LMO7: variants seen among roughly 807,000 people sequenced by gnomAD.
LMO7 encodes LIM domain only protein 7.
A neutral mutation model predicts 206.5 loss-of-function variants in LMO7; 120 were observed. The ratio of observed to expected loss-of-function variants is 0.58; its 90% CI spans 0.50 to 0.68. The LOEUF is 0.68. Among genes scored for constraint, LMO7 ranks in the 30% least tolerant of loss-of-function variants. The pLI is 0.00. For synonymous variants in LMO7, 706 were observed against 681.5 expected (o/e 1.04, Z -0.56); for missense variants, 1,959 against 1,957.9 (o/e 1.00, Z -0.01).
At chr13:75,796,457 G>T (rs2140819668) in intron 5 of LMO7, among the ~76,000 whole-genome samples, 179 bp from the exon 6 acceptor site, 3 of 152,228 alleles carry the variant, frequency 2.0e-5, no homozygotes, top group Middle Eastern at 6.8e-3. Flanking sequence ...GGAAAATTTA[G>T]CAAGAAAAGT....
At chr13:75,737,798 A>AC (rs1555305813) in intron 3 of LMO7, among the ~76,000 whole-genome samples, 1 of 135,320 alleles carries the variant, frequency 7.4e-6, no homozygotes, top group Non-Finnish European at 1.6e-5. Context: ...AAAAAAAAAA[A>AC]AAACTTTTTA....
exon 1 of LMO7, chr13:75,621,631 T>A: frequency 1.1e-6 from 1 of 905,176 alleles, no homozygotes; most frequent in African/African-American, 1.7e-5. Flanking sequence ...ATAGGGCAAG[T>A]GCAAATAAGT....
chr13:75,718,639 C>A (rs186779052), intron 2 of LMO7, among the ~76,000 whole-genome samples: 16 of 152,270 alleles, frequency 1.1e-4, no homozygotes, highest in African/African-American at 1.4e-4. Context: ...TACATTGACA[C>A]ATCATCATCA....
At chr13:75,807,292 T>A (rs1480841001) in intron 9 of LMO7, among the ~76,000 whole-genome samples, 188 bp from the exon 10 acceptor site, 1 of 152,112 alleles carries the variant, frequency 6.6e-6, no homozygotes, top group Admixed American at 6.5e-5. Context: ...TCCAGGAAAG[T>A]CATGGGTGTT....
chr13:75,754,343 C>A (rs1453814834), intron 3 of LMO7, among the ~76,000 whole-genome samples: 1 of 152,140 alleles, frequency 6.6e-6, no homozygotes, highest in Non-Finnish European at 1.5e-5. Context: ...TACTTCATTC[C>A]TTTTTATGGC....
rs189725084 is a variant in LMO7 at position 75,655,426 on chromosome 13, C to T, written c.69+18700C>T. 5.0e-3 allele frequency among the ~76,000 whole-genome samples: 764 copies of T among 152,074 alleles called. 2 individuals are homozygous for T. The highest frequency in any genetic ancestry group is 8.0e-3 in the Non-Finnish European group (543 of 67,964). On this transcript the variant is annotated intron_variant, in intron 1 of 30. Coordinates refer to ENST00000377534, the MANE Select transcript of LMO7 (RefSeq NM_001306080.2). ...ACAAAATGTCAGGTTTTATCTGACT[C>T]AGTGATATTTATTCTATTTGATTGT...
At chr13:75,692,395 C>CTTT (rs35029342) in intron 1 of LMO7, among the ~76,000 whole-genome samples, 1 of 144,762 alleles carries the variant, frequency 6.9e-6, no homozygotes. Flanking sequence ...GTTTCTTTTC[C>CTTT]TTTTTTTTTT....
intron 4 of LMO7, among the ~76,000 whole-genome samples, chr13:75,769,997 C>T (rs1839763393): frequency 6.6e-6 from 1 of 152,052 alleles, no homozygotes. Flanking sequence ...AAATCTCTAA[C>T]CCATAGTTAT....
At position 75,727,104 on chromosome 13, in the gene LMO7, T is replaced by A; in HGVS notation, c.210+6T>A. On this transcript the variant is annotated splice_donor_region_variant and intron_variant, in intron 3 of 30. Transcript: ENST00000377534. Reference sequence around the variant, plus strand: ...CTACACCAATAGCAGGATTGGTAAGTAGTAAATTATCTTCACAACTAAATT... The same window carrying A: ...CTACACCAATAGCAGGATTGGTAAGAAGTAAATTATCTTCACAACTAAATT... 1 of 1,530,470 alleles carries A rather than the reference T, an allele frequency of 6.5e-7. No homozygotes were observed. The highest frequency in any genetic ancestry group is 9.0e-7 in the Non-Finnish European group (1 of 1,107,138). 94.8% of individuals were successfully genotyped at this position (1,530,470 alleles called of 1,614,324 possible). A position where few individuals can be genotyped will look rare whatever the true frequency, so the allele number is the denominator to read the frequency against.
chr13:75,761,358 A>G (rs562323058), intron 4 of LMO7, among the ~76,000 whole-genome samples: 1 of 152,298 alleles, frequency 6.6e-6, no homozygotes, highest in South Asian at 2.1e-4. Flanking sequence ...AAGTGAATTT[A>G]GGGGTTATAT....
intron 3 of LMO7, among the ~76,000 whole-genome samples, chr13:75,727,343 G>A (rs986752503): frequency 6.6e-6 from 1 of 151,572 alleles, no homozygotes; most frequent in Non-Finnish European, 1.5e-5. Context: ...ATATTTAAAT[G>A]GCACAAATGA....
chr13:75,803,557 C>G (rs1051094539), intron 7 of LMO7, among the ~76,000 whole-genome samples: 1 of 152,184 alleles, frequency 6.6e-6, no homozygotes, highest in South Asian at 2.1e-4. Flanking sequence ...TTTAAGAAAG[C>G]AGATTACTAT....
intron 3 of LMO7, among the ~76,000 whole-genome samples, chr13:75,749,238 A>T (rs549495787): frequency 6.6e-6 from 1 of 152,284 alleles, no homozygotes; most frequent in South Asian, 2.1e-4. Context: ...TTAAAGTTTT[A>T]CCACATAGTG....
intron 3 of LMO7, among the ~76,000 whole-genome samples, chr13:75,735,306 G>A (rs2045702208): frequency 6.6e-6 from 1 of 151,924 alleles, no homozygotes; most frequent in East Asian, 1.9e-4. Context: ...TGGAGCTTGT[G>A]AGCCCTTTCC....
In LMO7 at chr13:75,776,174, T is replaced by TATATATATATATATATATCGG. The variant is rs2050418920; in HGVS notation, c.317+15154_317+15155insCGGATATATATATATATATAT. Among the ~76,000 whole-genome samples, 8 of 59,900 alleles carry TATATATATATATATATATCGG rather than the reference T, an allele frequency of 1.3e-4. 1 individual carries two copies. The highest frequency in any genetic ancestry group is 5.1e-4 in the African/African-American group (6 of 11,666). 39.3% of individuals were successfully genotyped at this position (59,900 alleles called of 152,430 possible). ...TGTATATATATCGGATATATATATA[T>TATATATATATATATATATCGG]ATATATATATATATATATATATATA... On this transcript the variant is annotated intron_variant, in intron 4 of 30. Transcript: ENST00000377534.
rs2055959842 is a variant in LMO7 at position 75,809,183 on chromosome 13, G to A, written c.1946G>A (p.Gly649Glu). 1 of 1,611,862 alleles carries A rather than the reference G, an allele frequency of 6.2e-7. No individual in the cohort carries two copies. Among genetic ancestry groups the A allele is most frequent in the African/African-American group, 1.3e-5 (1 of 74,960 alleles). ...RLFQKIYGEN[G>E]SKSMSDVSAE... Reference sequence around the variant, plus strand: ...TTTCAAAAGATTTATGGTGAGAATGGGTAAGTTGTGTGGTTCACAGTAAAA... The same window carrying A: ...TTTCAAAAGATTTATGGTGAGAATGAGTAAGTTGTGTGGTTCACAGTAAAA... Residue 649 changes from glycine to glutamate, a missense_variant and splice_region_variant, in exon 11 of 31, where the codon GGG becomes GAG. Gly to Glu is a moderately conservative substitution (Grantham distance 98). Transcript: ENST00000377534.
chr13:75,733,044 C>G (rs1332084723), intron 3 of LMO7, among the ~76,000 whole-genome samples: 4 of 152,190 alleles, frequency 2.6e-5, no homozygotes, highest in Admixed American at 2.6e-4. Context: ...CTGGGGGGTG[C>G]CTCCCAGTTA....
chr13:75,692,364 G>A (rs1332681960), intron 1 of LMO7, among the ~76,000 whole-genome samples: 1 of 151,790 alleles, frequency 6.6e-6, no homozygotes, highest in Non-Finnish European at 1.5e-5. Context: ...ACCCATAGGA[G>A]TGCTACGATT....
At chr13:75,660,488 CCTT>C (rs779280684) in intron 1 of LMO7, among the ~76,000 whole-genome samples, 1 of 152,170 alleles carries the variant, frequency 6.6e-6, no homozygotes, top group Non-Finnish European at 1.5e-5. Flanking sequence ...TTTAAATCCT[CCTT>C]CTTGTTTCTT....
Sources: allele counts gnomAD v4.1 joint callset (sites outside exome capture counted in the v4.1 genomes callset), GRCh38; gene constraint gnomAD v4.1.1; transcripts MANE v1.5; gene names NCBI Gene and HGNC (gene_info 2026-07-23, HGNC 2026-07-21).